Variants in KLRG1 observed in about 807,000 individuals in gnomAD.
The protein encoded by KLRG1 is killer cell lectin like receptor G1, also known as killer cell lectin-like receptor subfamily G member 1.
In KLRG1, 16 loss-of-function variants were observed where a neutral mutation model predicts 21.8. The ratio of observed to expected loss-of-function variants is 0.73; its 90% CI spans 0.50 to 1.11. KLRG1 has a LOEUF of 1.11. Among genes scored for constraint, KLRG1 ranks in the 50% most tolerant of loss-of-function variants. KLRG1 has a pLI of 0.00. For missense variants in KLRG1, 173 were observed against 218.3 expected, an observed-to-expected ratio of 0.79 and a Z score of 1.31; for synonymous variants, 69 against 75.9, an observed-to-expected ratio of 0.91 and a Z score of 0.47.
At chr12:9,186,721 A>G in the KLRG1 span, among the ~76,000 whole-genome samples, 1 of 152,118 alleles carries the variant, frequency 6.6e-6, no homozygotes, top group Non-Finnish European at 1.5e-5. Context: ...TGAAGCTGGA[A>G]ACTGTCATTC....
chr12:9,211,529 T>C, the KLRG1 span, among the ~76,000 whole-genome samples: 2 of 152,222 alleles, frequency 1.3e-5, no homozygotes, highest in Admixed American at 1.3e-4. Context: ...CTGTGTTTTC[T>C]TGCATCTTAC....
chr12:9,017,966 C>CAAAAA, the KLRG1 span, among the ~76,000 whole-genome samples: 1 of 152,008 alleles, frequency 6.6e-6, no homozygotes, highest in Non-Finnish European at 1.5e-5. Flanking sequence ...TTCTATATGC[C>CAAAAA]AACAGTGAAC....
intron 1 of KLRG1, 157 bp from the exon 2 acceptor site, chr12:8,992,049 G>A (rs1170031453): frequency 3.4e-6 from 2 of 585,316 alleles, no homozygotes; most frequent in East Asian, 2.9e-5. Flanking sequence ...AGACTTTAGA[G>A]CAAGTTCCTG....
chr12:9,067,758 A>G, the KLRG1 span: 1 of 1,500,628 alleles, frequency 6.7e-7, no homozygotes, highest in South Asian at 1.2e-5. Flanking sequence ...AGATACAAAA[A>G]CACGTGTCTT....
At chr12:9,131,214 G>T in the KLRG1 span, among the ~76,000 whole-genome samples, 1 of 152,144 alleles carries the variant, frequency 6.6e-6, no homozygotes, top group Non-Finnish European at 1.5e-5. Context: ...ATCAGGAAGT[G>T]TGAGTCTAAT....
At chr12:9,093,871 C>A in the KLRG1 span, among the ~76,000 whole-genome samples, 3 of 150,166 alleles carry the variant, frequency 2.0e-5, no homozygotes, top group Non-Finnish European at 4.4e-5. Flanking sequence ...GCGACCTGAG[C>A]GACAGAGTGA....
intron 1 of KLRG1, among the ~76,000 whole-genome samples, chr12:8,963,457 C>T (rs1032398026): frequency 3.3e-5 from 5 of 152,134 alleles, no homozygotes; most frequent in East Asian, 1.9e-4. Context: ...TGAGGATTTT[C>T]GCATCAATGT....
the KLRG1 span, among the ~76,000 whole-genome samples, chr12:9,096,500 A>G: frequency 1.3e-5 from 2 of 152,194 alleles, no homozygotes; most frequent in Admixed American, 6.5e-5. Context: ...ACAGGACACG[A>G]TGGCATTTTC....
intron 1 of KLRG1, among the ~76,000 whole-genome samples, chr12:8,965,207 A>C (rs1946448017): frequency 6.6e-6 from 1 of 152,222 alleles, no homozygotes; most frequent in Non-Finnish European, 1.5e-5. Context: ...AGAGCTATCT[A>C]TGACAAACCC....
chr12:9,042,211 A>G, the KLRG1 span, among the ~76,000 whole-genome samples: 1 of 152,348 alleles, frequency 6.6e-6, no homozygotes, highest in Non-Finnish European at 1.5e-5. Context: ...ATGGAGATGA[A>G]CTAAAGAAGT....
At chr12:9,143,685 G>A in the KLRG1 span, among the ~76,000 whole-genome samples, 2 of 152,070 alleles carry the variant, frequency 1.3e-5, no homozygotes, top group Non-Finnish European at 1.5e-5. Context: ...AAAATCAAAG[G>A]TGCCATTTTC....
chr12:9,019,803 C>T, the KLRG1 span, among the ~76,000 whole-genome samples: 1 of 151,994 alleles, frequency 6.6e-6, no homozygotes, highest in South Asian at 2.1e-4. Context: ...CCAGGCTGGT[C>T]TGGAACTCCT....
chr12:9,077,014 A>G, the KLRG1 span: 2 of 1,392,138 alleles, frequency 1.4e-6, no homozygotes, highest in Non-Finnish European at 1.9e-6. Flanking sequence ...CACGGATCAC[A>G]GCACAGAAGT....
chr12:9,160,115 C>T, the KLRG1 span: 2 of 1,283,734 alleles, frequency 1.6e-6, no homozygotes, highest in Non-Finnish European at 1.1e-6. Flanking sequence ...GCGCCATGGA[C>T]ATTTTATGAC....
the KLRG1 span, chr12:9,158,383 ATG>A: frequency 1.2e-6 from 2 of 1,609,386 alleles, no homozygotes; most frequent in Non-Finnish European, 1.7e-6. Flanking sequence ...TGTTATGTTG[ATG>A]TGTGTCAGGC....
intron 1 of KLRG1, among the ~76,000 whole-genome samples, chr12:8,950,423 T>C (rs1170346732): frequency 6.6e-6 from 1 of 152,186 alleles, no homozygotes; most frequent in African/African-American, 2.4e-5. Flanking sequence ...CTTTTGTAGG[T>C]TCCTTATGTC....
At chr12:9,095,752 T>TGAC in the KLRG1 span, 2 of 1,414,200 alleles carry the variant, frequency 1.4e-6, no homozygotes, top group Non-Finnish European at 9.3e-7. Context: ...CTTTTTTTTT[T>TGAC]TTTTTTTTTT....
chr12:9,133,344 A>G, the KLRG1 span, among the ~76,000 whole-genome samples: 2 of 152,190 alleles, frequency 1.3e-5, no homozygotes, highest in Non-Finnish European at 2.9e-5. Flanking sequence ...GGAGAGATGG[A>G]TATTATTTAG....
At chr12:9,213,875 T>C in the KLRG1 span, among the ~76,000 whole-genome samples, 2 of 152,112 alleles carry the variant, frequency 1.3e-5, no homozygotes, top group Non-Finnish European at 2.9e-5. Flanking sequence ...ATTGTGCTTC[T>C]GATGTCATAT....
Sources: gnomAD v4.1 joint callset for allele counts (sites outside exome capture counted in the v4.1 genomes callset) on GRCh38, gnomAD v4.1.1 for gene constraint, MANE v1.5 for transcripts, NCBI Gene and HGNC (gene_info 2026-07-23, HGNC 2026-07-21) for gene names.